The following NXN variants were observed in gnomAD, a reference collection of about 807,000 sequenced individuals.
NXN encodes nucleoredoxin.
In NXN, 16 loss-of-function variants were observed where a neutral mutation model predicts 48.6. The ratio of observed to expected loss-of-function variants is 0.33; its 90% confidence interval spans 0.22 to 0.50. NXN has a LOEUF of 0.50. Among genes scored for constraint, NXN ranks in the 20% least tolerant of loss-of-function variants. The probability of loss-of-function intolerance (pLI) is 0.98; values close to 1 mark genes in which losing one functional copy is unlikely to be tolerated. For missense variants in NXN, 492 were observed against 605.5 expected (o/e 0.81, Z 1.97); for synonymous variants, 281 against 269.6 (o/e 1.04, Z -0.41).
intron 1 of NXN, among the ~76,000 whole-genome samples, chr17:927,142 C>T (rs893536730): frequency 3.3e-5 from 5 of 151,500 alleles, no homozygotes; most frequent in African/African-American, 4.8e-5. Context: ...TGAAACCCCG[C>T]CTCTACTAAA....
chr17:920,867 C>T lies in NXN; in HGVS notation c.360+58452G>A, dbSNP rs565171347. Reference sequence around the variant, plus strand: ...CCTCCCGAGTAGTTGGGATTACAGGCGCCCGCCACCATGTCCGGCTAATTT... The same window carrying T: ...CCTCCCGAGTAGTTGGGATTACAGGTGCCCGCCACCATGTCCGGCTAATTT... On this transcript the variant is annotated intron_variant, in intron 1 of 7. Coordinates refer to ENST00000336868, the MANE Select transcript of NXN (RefSeq NM_022463.5). This position sits in a 1 kb window ranked among gnomAD's most constrained non-coding sequence, Gnocchi z 4.6. Among the ~76,000 whole-genome samples, 13 of 152,014 alleles carry T rather than the reference C, an allele frequency of 8.6e-5. No homozygotes were observed. Among genetic ancestry groups the T allele is most frequent in the Admixed American group, 7.2e-4 (11 of 15,250 alleles).
intron 1 of NXN, among the ~76,000 whole-genome samples, chr17:840,578 AT>A (rs1914105665): frequency 6.6e-6 from 1 of 152,088 alleles, no homozygotes; most frequent in Non-Finnish European, 1.5e-5. Context: ...TGACCTCGTG[AT>A]CCGCCCGCCT....
chr17:803,779 G>A lies in NXN; in HGVS notation c.1028C>T (p.Ala343Val), dbSNP rs537114982. ...TATCGGCTGAATCAGCTGCTTGGCC[G>A]CCTCGGACTCTCCGTCATCCTCAGA... ...VDSEDDGESE[A>V]AKQLIQPIAE... The change falls in exon 7 of 8, where the codon GCG becomes GTG. Residue 343 changes from alanine (A) to valine (V), a missense_variant. Ala to Val is a moderately conservative substitution (Grantham distance 64). Coordinates refer to ENST00000336868, the MANE Select transcript of NXN (RefSeq NM_022463.5). 1.6e-5 allele frequency: 26 copies of A among 1,614,180 alleles called. No individual in the cohort carries two copies. The highest frequency in any genetic ancestry group is 8.8e-5 in the South Asian group (8 of 91,080).
Position 849,078 on chromosome 17 carries a change from G to A in NXN, c.361-23000C>T, listed in dbSNP as rs757346714. Among the ~76,000 whole-genome samples, 12 of 152,140 alleles carry A rather than the reference G, an allele frequency of 7.9e-5. No homozygotes were observed. Among genetic ancestry groups the A allele is most frequent in the South Asian group, 2.1e-4 (1 of 4,828 alleles). On this transcript the variant is annotated intron_variant, in intron 1 of 7. Coordinates refer to ENST00000336868, the MANE Select transcript of NXN (RefSeq NM_022463.5). This position sits in a 1 kb window ranked among gnomAD's most constrained non-coding sequence, Gnocchi z 4.2. ...GCCTGTCTGGTATGTAACAGGCTCC[G>A]GCTTCCTCTCTAGACCCTCCCCTGG...
intron 1 of NXN, among the ~76,000 whole-genome samples, chr17:850,776 A>G (rs1334231427): frequency 6.6e-6 from 1 of 152,198 alleles, no homozygotes; most frequent in African/African-American, 2.4e-5. Context: ...CAGGCACAGT[A>G]CATCTTCCCC....
chr17:880,400 T>C (rs1020708839), intron 1 of NXN, among the ~76,000 whole-genome samples: 2 of 152,160 alleles, frequency 1.3e-5, no homozygotes, highest in African/African-American at 4.8e-5. Context: ...AACGTCTTAA[T>C]AAGAACTTCT....
intron 1 of NXN, among the ~76,000 whole-genome samples, chr17:945,725 T>C (rs1185796993): frequency 6.6e-6 from 1 of 152,160 alleles, no homozygotes; most frequent in Non-Finnish European, 1.5e-5. Flanking sequence ...TTTTCATATC[T>C]TTAGCCCCAA....
At chr17:846,234 C>A (rs944359535) in intron 1 of NXN, among the ~76,000 whole-genome samples, 3 of 151,842 alleles carry the variant, frequency 2.0e-5, no homozygotes, top group Non-Finnish European at 4.4e-5. Flanking sequence ...CAAGACCAGC[C>A]TGGCCAAGAC....
intron 5 of NXN, among the ~76,000 whole-genome samples, chr17:818,016 T>A (rs1461423721): frequency 6.6e-6 from 1 of 152,280 alleles, no homozygotes; most frequent in East Asian, 1.9e-4. Flanking sequence ...CCCAGCACTT[T>A]GGGAGGCCGA....
intron 1 of NXN, chr17:896,860 C>CGGGGGG: frequency 1.8e-6 from 1 of 566,102 alleles, no homozygotes. Context: ...CCTGACCACC[C>CGGGGGG]GCCCCCGGCC....
chr17:810,797 G>C (rs1340559195), intron 5 of NXN, among the ~76,000 whole-genome samples: 2 of 152,144 alleles, frequency 1.3e-5, no homozygotes, highest in Non-Finnish European at 2.9e-5. Flanking sequence ...GCTGAAGCAG[G>C]AGAATCGCTT....
chr17:904,622 C>A (rs28424065), intron 1 of NXN, among the ~76,000 whole-genome samples: 7,390 of 152,248 alleles, frequency 0.049, 226 homozygotes, highest in African/African-American at 0.084. Flanking sequence ...CGGCTCACTG[C>A]AACCTCTGCC....
At chr17:912,898 G>A (rs912485201) in intron 1 of NXN, among the ~76,000 whole-genome samples, 3 of 152,056 alleles carry the variant, frequency 2.0e-5, no homozygotes, top group Admixed American at 1.3e-4. Flanking sequence ...AGCTTGCAGT[G>A]AGCCAAGATT....
intron 1 of NXN, among the ~76,000 whole-genome samples, chr17:860,715 C>A (rs2068032258): frequency 6.6e-6 from 1 of 152,236 alleles, no homozygotes; most frequent in Non-Finnish European, 1.5e-5. Flanking sequence ...GACTTTTGAA[C>A]CTCGTAAACA....
chr17:965,270 G>A (rs549037452), intron 1 of NXN, among the ~76,000 whole-genome samples: 21 of 152,222 alleles, frequency 1.4e-4, no homozygotes, highest in East Asian at 1.9e-4. Flanking sequence ...AGGGAGTCTC[G>A]ATTTTCAAAA....
At chr17:931,155 C>T (rs573393332) in intron 1 of NXN, among the ~76,000 whole-genome samples, 157 of 152,084 alleles carry the variant, frequency 1.0e-3, no homozygotes, top group African/African-American at 3.6e-3. Flanking sequence ...GGTGTGGTGT[C>T]GCACGCCTGT....
intron 1 of NXN, among the ~76,000 whole-genome samples, chr17:874,804 A>G (rs2068196655): frequency 6.6e-6 from 1 of 152,228 alleles, no homozygotes; most frequent in African/African-American, 2.4e-5. Flanking sequence ...TCCCAGGCAC[A>G]AGCCTGGATC....
intron 1 of NXN, among the ~76,000 whole-genome samples, chr17:974,571 G>A (rs1179438660): frequency 3.3e-5 from 5 of 151,876 alleles, no homozygotes; most frequent in Non-Finnish European, 7.4e-5. Flanking sequence ...GGCAGGTGCT[G>A]TTATCACAAA....
chr17:837,520 G>T (rs1201584991), intron 1 of NXN, among the ~76,000 whole-genome samples: 1 of 152,202 alleles, frequency 6.6e-6, no homozygotes, highest in Non-Finnish European at 1.5e-5. Context: ...CACCGTCCTA[G>T]GTCAGCCAGA....
Sources: gnomAD v4.1 joint callset for allele counts (sites outside exome capture counted in the v4.1 genomes callset) on GRCh38, gnomAD v4.1.1 for gene constraint, Gnocchi (gnomAD v3.1) non-coding constraint, MANE v1.5 for transcripts, NCBI Gene and HGNC (gene_info 2026-07-23, HGNC 2026-07-21) for gene names.